Variants in CALN1 observed in about 807,000 individuals in gnomAD.
CALN1 encodes calcium-binding protein 8.
A neutral mutation model predicts 30.6 loss-of-function variants in CALN1; 17 were observed. The observed-to-expected ratio is 0.56, with a 90% confidence interval of 0.38 to 0.83. The LOEUF (loss-of-function observed/expected upper bound fraction) is 0.83. CALN1 is among the 40% of genes least tolerant of loss of function. The pLI is 0.00. For synonymous variants in CALN1, 156 were observed against 131.4 expected (o/e 1.19, Z -1.28); for missense variants, 291 against 354.9 (o/e 0.82, Z 1.45).
intron 3 of CALN1, among the ~76,000 whole-genome samples, chr7:72,255,235 G>A (rs549474420): frequency 2.5e-4 from 37 of 149,838 alleles, no homozygotes; most frequent in Middle Eastern, 3.6e-3. Flanking sequence ...ACAGGTGCCC[G>A]CCACCACACC....
chr7:71,823,755 A>T (rs1425973739), intron 5 of CALN1, among the ~76,000 whole-genome samples: 1 of 152,028 alleles, frequency 6.6e-6, no homozygotes, highest in Non-Finnish European at 1.5e-5. Context: ...AAAAGAAAAG[A>T]AAAAGAGAAA....
rs900357268 is a variant in CALN1 at position 72,046,496 on chromosome 7, G to C, written c.389-22727C>G. On this transcript the variant is annotated intron_variant, in intron 4 of 6. Coordinates refer to ENST00000395275, the MANE Select transcript of CALN1 (RefSeq NM_031468.4). The stretch of plus-strand genomic sequence containing the variant: ...GGAGGCAGAGGCAGGTGGATCACCT[G>C]AGGTCAGGAGTTTGAGACCAGCATG... Among the ~76,000 whole-genome samples, 18 of 152,106 alleles carry C rather than the reference G, an allele frequency of 1.2e-4. No homozygotes were observed. The South Asian group carries it at 3.7e-3, about 32-fold the overall frequency.
chr7:72,219,218 C>T (rs1003837651), intron 3 of CALN1, among the ~76,000 whole-genome samples: 8 of 151,652 alleles, frequency 5.3e-5, no homozygotes, highest in African/African-American at 1.7e-4. Context: ...GTCAAATGCC[C>T]GTCATTTTTT....
chr7:71,826,023 ACT>A (rs1788890472), intron 5 of CALN1, among the ~76,000 whole-genome samples: 1 of 118,054 alleles, frequency 8.5e-6, no homozygotes, highest in Admixed American at 9.8e-5. Context: ...ACAGAGCGAG[ACT>A]CTGTCTCAAA....
At chr7:72,235,565 A>G (rs899058593) in intron 3 of CALN1, among the ~76,000 whole-genome samples, 1 of 152,166 alleles carries the variant, frequency 6.6e-6, no homozygotes, top group African/African-American at 2.4e-5. Context: ...TGTGCAGCAG[A>G]GAAGGATGTC....
intron 2 of CALN1, among the ~76,000 whole-genome samples, chr7:72,383,992 G>A (rs34106803): frequency 0.42 from 63,661 of 151,956 alleles, 13,523 homozygotes; most frequent in Admixed American, 0.47. Context: ...ATAAAGACAC[G>A]TGCACCCATA....
At chr7:71,856,316 TC>T (rs1432580863) in intron 5 of CALN1, among the ~76,000 whole-genome samples, 2 of 151,938 alleles carry the variant, frequency 1.3e-5, no homozygotes, top group African/African-American at 4.8e-5. Flanking sequence ...TGAGACAGGG[TC>T]TTACTCTGTG....
At chr7:71,971,981 G>GAAAA (rs796475980) in intron 5 of CALN1, among the ~76,000 whole-genome samples, 1 of 96,516 alleles carries the variant, frequency 1.0e-5, no homozygotes, top group Admixed American at 1.1e-4. Context: ...AAGAAAGAAA[G>GAAAA]AAAGAAAGAA....
chr7:71,863,550 T>C (rs1584397530), intron 5 of CALN1, among the ~76,000 whole-genome samples: 3 of 49,070 alleles, frequency 6.1e-5, no homozygotes, highest in African/African-American at 2.2e-4. Flanking sequence ...AGAACTAAAC[T>C]CCATCTCAAA....
At chr7:72,076,611 C>CAAAAAAAAAAAAAAAAAAA (rs572245834) in intron 4 of CALN1, among the ~76,000 whole-genome samples, 72 of 6,126 alleles carry the variant, frequency 0.012, 35 homozygotes, top group Non-Finnish European at 0.019. Context: ...AAAAAAAAAG[C>CAAAAAAAAAAAAAAAAAAA]AAAAAAAAAA....
At chr7:72,448,172 C>T (rs927702145), upstream of CALN1, among the ~76,000 whole-genome samples, 19 of 152,236 alleles carry the variant, frequency 1.2e-4, no homozygotes, top group African/African-American at 4.3e-4. Context: ...GCACACACAC[C>T]TACTTGCCCA....
chr7:72,366,093 A>G (rs1803862026), intron 2 of CALN1, among the ~76,000 whole-genome samples: 1 of 152,200 alleles, frequency 6.6e-6, no homozygotes, highest in South Asian at 2.1e-4. Flanking sequence ...AGAAATGTCT[A>G]TTGATGAGTG....
intron 6 of CALN1, among the ~76,000 whole-genome samples, chr7:71,806,201 T>A (rs2116131377): frequency 6.9e-6 from 1 of 145,862 alleles, no homozygotes; most frequent in East Asian, 2.3e-4. Flanking sequence ...ACCCCAAAAC[T>A]TAAAAAGTAA....
At chr7:71,945,999 C>T (rs1229154083) in intron 5 of CALN1, among the ~76,000 whole-genome samples, 1 of 152,152 alleles carries the variant, frequency 6.6e-6, no homozygotes, top group Admixed American at 6.5e-5. Flanking sequence ...AAGGACTTCC[C>T]CATGAACGGA....
chr7:72,093,043 C>T (rs1805981353), intron 4 of CALN1, among the ~76,000 whole-genome samples: 1 of 152,074 alleles, frequency 6.6e-6, no homozygotes, highest in African/African-American at 2.4e-5. Context: ...ATAACTTAGC[C>T]TATCCTTACT....
At chr7:72,413,050 C>A (rs1807276213), upstream of CALN1, among the ~76,000 whole-genome samples, 1 of 152,184 alleles carries the variant, frequency 6.6e-6, no homozygotes. Flanking sequence ...CCTGGGCTCA[C>A]CCGGGGGGTT....
At chr7:72,492,626 C>G in the CALN1 span, among the ~76,000 whole-genome samples, 1 of 152,334 alleles carries the variant, frequency 6.6e-6, no homozygotes, top group African/African-American at 2.4e-5. Flanking sequence ...TGTGGGGGCA[C>G]CATGCCAACC....
chr7:72,070,414 C>T (rs1804310632), intron 4 of CALN1, among the ~76,000 whole-genome samples: 2 of 152,172 alleles, frequency 1.3e-5, no homozygotes, highest in Non-Finnish European at 1.5e-5. Context: ...CTGCCTGGCC[C>T]AGCATTCTGT....
intron 3 of CALN1, among the ~76,000 whole-genome samples, chr7:72,115,484 C>CTTTTTTTTT (rs71069026): frequency 1.2e-5 from 1 of 80,590 alleles, no homozygotes; most frequent in Non-Finnish European, 2.1e-5. Context: ...CATATACATT[C>CTTTTTTTTT]TTTTTTTTTT....
Sources: allele counts gnomAD v4.1 joint callset (sites outside exome capture counted in the v4.1 genomes callset), GRCh38; gene constraint gnomAD v4.1.1; transcripts MANE v1.5; gene names NCBI Gene and HGNC (gene_info 2026-07-23, HGNC 2026-07-21).